GRIA4: variants seen among roughly 807,000 people sequenced by gnomAD.
The protein encoded by GRIA4 is glutamate receptor 4.
A neutral mutation model predicts 104.0 loss-of-function variants in GRIA4; 34 were observed. The ratio of observed to expected loss-of-function variants is 0.33; its 90% confidence interval spans 0.25 to 0.44. The LOEUF is 0.44. Among genes scored for constraint, GRIA4 ranks in the 20% least tolerant of loss-of-function variants. GRIA4 has a pLI of 1.00. For missense variants in GRIA4, 750 were observed against 1,096.5 expected, an observed-to-expected ratio of 0.68 and a Z score of 4.46; for synonymous variants, 386 against 381.9, an observed-to-expected ratio of 1.01 and a Z score of -0.13.
rs1273018842 is a variant in GRIA4, at chr11:105,974,389, T to G, written c.2489T>G (p.Leu830Arg). 1 of 1,613,886 alleles carries G rather than the reference T, an allele frequency of 6.2e-7. No homozygotes were observed. The change falls in exon 16 of 17, where the codon CTG becomes CGG. Residue 830 changes from leucine to arginine, a missense_variant. Transcript: ENST00000282499. ...GTTGGCGGCTTGGGCTTGGCAATGC[T>G]GGTGGCTTTGATAGAGTTCTGTTAC... Reference protein sequence around the residue: ...ILVGGLGLAMLVALIEFCYKS... With the variant: ...ILVGGLGLAMRVALIEFCYKS...
rs907647617 is a variant in GRIA4 at position 105,692,130 on chromosome 11, T to A, written c.248-60851T>A. The stretch of plus-strand genomic sequence containing the variant: ...AAAAATTTGATTGGATTGATGATAA[T>A]GATGATGATGACAGTGACGACAACA... On this transcript the variant is annotated intron_variant, in intron 3 of 16. Transcript: ENST00000282499. Among the ~76,000 whole-genome samples the A allele has an allele frequency of 4.6e-5, 7 of 151,798 alleles. No individual in the cohort carries two copies. The East Asian group carries it at 1.4e-3, about 29-fold the overall frequency.
intron 5 of GRIA4, among the ~76,000 whole-genome samples, chr11:105,875,082 C>T (rs1056772453): frequency 1.3e-5 from 2 of 152,102 alleles, no homozygotes; most frequent in East Asian, 1.9e-4. Flanking sequence ...TTTTGAGATA[C>T]GTTCCATCAA....
chr11:105,944,357 T>C (rs1257547943), intron 14 of GRIA4, among the ~76,000 whole-genome samples: 1 of 152,160 alleles, frequency 6.6e-6, no homozygotes, highest in Non-Finnish European at 1.5e-5. Flanking sequence ...GCACATGATC[T>C]TGTATGGGTT....
chr11:105,643,879 T>G (rs1951443470), intron 3 of GRIA4, among the ~76,000 whole-genome samples: 1 of 152,044 alleles, frequency 6.6e-6, no homozygotes, highest in Non-Finnish European at 1.5e-5. Context: ...TCACCGTGTC[T>G]GGCTAATTTT....
rs564474076 is a variant in GRIA4, at chr11:105,897,018, A to G, written c.727-1251A>G. ...TTTGGGCAATGTAATCATTTTAATGATATTTATTCTTCCTATCCATGAGCA... is the reference window on the plus strand; with the variant it reads ...TTTGGGCAATGTAATCATTTTAATGGTATTTATTCTTCCTATCCATGAGCA... On this transcript the variant is annotated intron_variant, in intron 6 of 16. Transcript: ENST00000282499. 2.3e-3 allele frequency among the ~76,000 whole-genome samples: 348 copies of G among 152,264 alleles called. 1 individual carries two copies. Among genetic ancestry groups the G allele is most frequent in the African/African-American group, 6.9e-3 (288 of 41,552 alleles).
intron 14 of GRIA4, among the ~76,000 whole-genome samples, chr11:105,962,865 G>C (rs1009151624): frequency 1.3e-5 from 2 of 151,908 alleles, no homozygotes; most frequent in South Asian, 4.1e-4. Flanking sequence ...TACATTTAAC[G>C]CAATAAAGGG....
chr11:105,938,291 A>G (rs1456022633), intron 14 of GRIA4, among the ~76,000 whole-genome samples: 3 of 152,206 alleles, frequency 2.0e-5, no homozygotes, highest in Admixed American at 6.5e-5. Flanking sequence ...AAGTACTTAG[A>G]CGGTTTAGGA....
In GRIA4 at chr11:105,918,704, C is replaced by T. The variant is rs951366961; in HGVS notation, c.1270-8C>T. 3 of 1,317,738 alleles carry T rather than the reference C, an allele frequency of 2.3e-6. No homozygotes were observed. The highest frequency in any genetic ancestry group is 3.4e-5 in the Admixed American group (2 of 59,412). The allele number at this position is 1,317,738 out of a possible 1,614,324, so 81.6% of individuals were successfully genotyped here. On this transcript the variant is annotated splice_region_variant and splice_polypyrimidine_tract_variant and intron_variant, in intron 10 of 16. Coordinates refer to ENST00000282499, the MANE Select transcript of GRIA4 (RefSeq NM_000829.4). ...TTCTCCTTTACAGTTCTACTTCTCT[C>T]ATTATAGGAATCCCCATATGTTATG...
intron 14 of GRIA4, among the ~76,000 whole-genome samples, chr11:105,958,374 G>C (rs1261929495): frequency 6.6e-6 from 1 of 152,144 alleles, no homozygotes; most frequent in Non-Finnish European, 1.5e-5. Flanking sequence ...AGATAATCAT[G>C]TGGTTTTTGT....
chr11:105,858,266 T>C (rs1199529966), intron 4 of GRIA4, among the ~76,000 whole-genome samples: 3 of 152,192 alleles, frequency 2.0e-5, no homozygotes, highest in African/African-American at 7.2e-5. Context: ...ATGGATAGTT[T>C]ACCTATCGGT....
intron 10 of GRIA4, chr11:105,912,533 A>T (rs942831287): frequency 2.2e-4 from 56 of 259,938 alleles, no homozygotes; most frequent in Non-Finnish European, 2.5e-4. Context: ...TATATATATA[A>T]ATATATATAT....
intron 3 of GRIA4, chr11:105,614,193 A>G (rs2135247276): frequency 6.6e-6 from 1 of 151,760 alleles, no homozygotes; most frequent in South Asian, 2.1e-4. Flanking sequence ...ATTAATTATT[A>G]TTATTAAATT....
chr11:105,740,599 A>G (rs963648637), intron 3 of GRIA4, among the ~76,000 whole-genome samples: 1 of 152,208 alleles, frequency 6.6e-6, no homozygotes, highest in Admixed American at 6.5e-5. Context: ...AAATAAGATA[A>G]TTTCAAATAG....
At chr11:105,908,514 C>A (rs537534564) in intron 9 of GRIA4, among the ~76,000 whole-genome samples, 2 of 151,684 alleles carry the variant, frequency 1.3e-5, no homozygotes, top group East Asian at 3.9e-4. Flanking sequence ...TCTAAATAAG[C>A]CCATGGTCCA....
chr11:105,902,088 G>A (rs1946879894), intron 7 of GRIA4, among the ~76,000 whole-genome samples: 1 of 152,086 alleles, frequency 6.6e-6, no homozygotes, highest in Non-Finnish European at 1.5e-5. Context: ...CCAATCAATT[G>A]TGAAGGGCAC....
intron 4 of GRIA4, among the ~76,000 whole-genome samples, chr11:105,763,152 T>G (rs1433669737): frequency 6.6e-6 from 1 of 152,118 alleles, no homozygotes; most frequent in African/African-American, 2.4e-5. Flanking sequence ...AAGAAGGGTC[T>G]CAAGAAATAT....
intron 3 of GRIA4, among the ~76,000 whole-genome samples, chr11:105,620,057 CTCTT>C (rs1162597565): frequency 3.9e-5 from 6 of 151,942 alleles, no homozygotes; most frequent in Admixed American, 2.0e-4. Flanking sequence ...TCTACATCAG[CTCTT>C]TCTATTTTCA....
chr11:105,908,897 A>G (rs1046679311), intron 9 of GRIA4, among the ~76,000 whole-genome samples: 3 of 152,122 alleles, frequency 2.0e-5, no homozygotes. Context: ...ACCCCTTTTC[A>G]TGTCATATAA....
At chr11:105,965,180 G>A (rs1180073411) in intron 14 of GRIA4, among the ~76,000 whole-genome samples, 1 of 151,948 alleles carries the variant, frequency 6.6e-6, no homozygotes, top group African/African-American at 2.4e-5. Context: ...AGAAAAACAT[G>A]GAGGAAATCT....
Sources: gnomAD v4.1 joint callset for allele counts (sites outside exome capture counted in the v4.1 genomes callset) on GRCh38, gnomAD v4.1.1 for gene constraint, MANE v1.5 for transcripts, NCBI Gene and HGNC (gene_info 2026-07-23, HGNC 2026-07-21) for gene names.